GALNT13: variants seen among roughly 807,000 people sequenced by gnomAD.
The protein encoded by GALNT13 is polypeptide N-acetylgalactosaminyltransferase 13.
In GALNT13, 28 loss-of-function variants were observed where a neutral mutation model predicts 64.2. That is an observed-to-expected ratio of 0.44 (90% confidence interval 0.32 to 0.60). The LOEUF is 0.60. Ranked by LOEUF, GALNT13 falls within the 20% of genes least tolerant of loss-of-function variation. The probability of loss-of-function intolerance (pLI) is 0.05; values close to 1 mark genes in which losing one functional copy is unlikely to be tolerated. For missense variants in GALNT13, 577 were observed against 669.8 expected, an observed-to-expected ratio of 0.86 and a Z score of 1.53; for synonymous variants, 214 against 224.6, an observed-to-expected ratio of 0.95 and a Z score of 0.42.
intron 4 of GALNT13, among the ~76,000 whole-genome samples, chr2:154,148,071 C>A (rs368890419): frequency 1.9e-4 from 29 of 152,182 alleles, no homozygotes; most frequent in African/African-American, 6.5e-4. Context: ...CTCCACCCTC[C>A]ACCTTCCCCC....
chr2:153,656,283 T>C, the GALNT13 span, among the ~76,000 whole-genome samples: 2 of 151,762 alleles, frequency 1.3e-5, no homozygotes, highest in African/African-American at 2.4e-5. Flanking sequence ...GATTGCTTTG[T>C]TATATGTTTG....
chr2:153,349,339 T>C, the GALNT13 span, among the ~76,000 whole-genome samples: 1 of 152,216 alleles, frequency 6.6e-6, no homozygotes, highest in Non-Finnish European at 1.5e-5. Context: ...ATGCAAGCTT[T>C]GTTGATGCAA....
rs771388694 is a variant in GALNT13 at position 154,119,729 on chromosome 2, T to G, written c.143-20608T>G. 5.9e-4 allele frequency among the ~76,000 whole-genome samples: 90 copies of G among 152,188 alleles called. 1 individual carries two copies. The highest frequency in any genetic ancestry group is 7.2e-4 in the Non-Finnish European group (49 of 68,032). ...CCGCTGTTTGAGCTTTCTGTTGAGT[T>G]TTTCAGTTCTGGTGTATTTTTTATC... On this transcript the variant is annotated intron_variant, in intron 3 of 12. Transcript: ENST00000392825.
At chr2:154,102,993 G>A (rs541728120) in intron 3 of GALNT13, among the ~76,000 whole-genome samples, 3 of 151,848 alleles carry the variant, frequency 2.0e-5, no homozygotes, top group African/African-American at 7.2e-5. Flanking sequence ...CCTTGTTGAT[G>A]TTTCTTTTGT....
At chr2:153,345,643 C>CTTTCTTT in the GALNT13 span, among the ~76,000 whole-genome samples, 1 of 99,144 alleles carries the variant, frequency 1.0e-5, no homozygotes, top group South Asian at 3.5e-4. Context: ...CTTTTTCTTT[C>CTTTCTTT]TTTCTTTCTT....
At chr2:154,313,537 C>T (rs955884602) in intron 9 of GALNT13, among the ~76,000 whole-genome samples, 8 of 149,960 alleles carry the variant, frequency 5.3e-5, no homozygotes, top group South Asian at 2.1e-4. Context: ...TCACTACAAC[C>T]TCCACCTCCC....
At position 154,343,609 on chromosome 2, in the gene GALNT13, C is replaced by T. The variant is rs1235379521; in HGVS notation, c.1156+42020C>T. ...TACAGGCATGCCCCTGTCCAGCATG[C>T]CTTTTGTTGCACAGTTTTTTTGACT... On this transcript the variant is annotated intron_variant, in intron 9 of 12. Transcript: ENST00000392825. Among the ~76,000 whole-genome samples, 5 of 151,986 alleles carry T rather than the reference C, an allele frequency of 3.3e-5. No individual in the cohort carries two copies. In the East Asian group the frequency reaches 9.7e-4, roughly 29 times the overall value.
chr2:153,810,197 TC>T, the GALNT13 span, among the ~76,000 whole-genome samples: 1 of 152,144 alleles, frequency 6.6e-6, no homozygotes, highest in Non-Finnish European at 1.5e-5. Context: ...TCTCCTGACC[TC>T]ATGATCCACC....
chr2:153,988,061 T>TAC lies in GALNT13; in HGVS notation c.142+43423_142+43424insCA, dbSNP rs879271680. On this transcript the variant is annotated intron_variant, in intron 3 of 12. Transcript: ENST00000392825. ...ACATTTGAGGGTAGGAGGTGACATA[T>TAC]ATATATATATATACACACACACACA... Among the ~76,000 whole-genome samples the TAC allele has an allele frequency of 7.6e-3, 860 of 113,498 alleles. 6 individuals carry two copies. Among genetic ancestry groups the TAC allele is most frequent in the Non-Finnish European group, 0.013 (624 of 47,024 alleles). 74.5% of individuals were successfully genotyped at this position (113,498 alleles called of 152,430 possible).
chr2:154,245,907 A>G lies in GALNT13; in HGVS notation c.782A>G (p.Lys261Arg), dbSNP rs1274786466. The change falls in exon 7 of 13, where the codon AAA (lysine) becomes AGA (arginine). Residue 261 changes from lysine (K) to arginine (R), a missense_variant. This residue lies in a region of GALNT13 where 341 missense variants were observed against 379.3 expected (regional missense o/e 0.90). Coordinates refer to ENST00000392825, the MANE Select transcript of GALNT13 (RefSeq NM_052917.4). The part of the protein sequence containing the change: ...SDMTYGGFNW[K>R]LNFRWYPVPQ... ...ATGACTTATGGGGGTTTTAACTGGA[A>G]ACTGAATTTCCGCTGGTATCCTGTT... 1 of 1,613,456 alleles carries G rather than the reference A, an allele frequency of 6.2e-7. No individual in the cohort carries two copies. Among genetic ancestry groups the G allele is most frequent in the Non-Finnish European group, 8.5e-7 (1 of 1,179,564 alleles).
the GALNT13 span, among the ~76,000 whole-genome samples, chr2:153,730,578 A>G: frequency 6.6e-6 from 1 of 152,000 alleles, no homozygotes. Flanking sequence ...AAGCTTCTTC[A>G]CAACAAAAGA....
chr2:153,615,548 C>T, the GALNT13 span, among the ~76,000 whole-genome samples: 11 of 151,958 alleles, frequency 7.2e-5, no homozygotes, highest in Admixed American at 5.9e-4. Context: ...TATTTCCTGC[C>T]TGTCTTTGGG....
chr2:153,695,430 C>T, the GALNT13 span, among the ~76,000 whole-genome samples: 1 of 152,180 alleles, frequency 6.6e-6, no homozygotes, highest in African/African-American at 2.4e-5. Context: ...TAGATTACCT[C>T]TCTTCTGCAC....
At chr2:153,417,419 G>C in the GALNT13 span, among the ~76,000 whole-genome samples, 1 of 152,156 alleles carries the variant, frequency 6.6e-6, no homozygotes, top group Non-Finnish European at 1.5e-5. Context: ...GATAGGTTAA[G>C]AATAAACAGT....
chr2:154,114,232 C>T (rs1004546201), intron 3 of GALNT13, among the ~76,000 whole-genome samples: 2 of 152,132 alleles, frequency 1.3e-5, no homozygotes, highest in Non-Finnish European at 2.9e-5. Flanking sequence ...ACCATAATAT[C>T]CCTCACTCTA....
intron 9 of GALNT13, among the ~76,000 whole-genome samples, chr2:154,306,345 C>T (rs1003515134): frequency 6.6e-6 from 1 of 151,974 alleles, no homozygotes; most frequent in Admixed American, 6.6e-5. Context: ...GTTCCCCTCC[C>T]TATGTCCATG....
intron 10 of GALNT13, among the ~76,000 whole-genome samples, chr2:154,402,124 A>G (rs1453979652): frequency 6.6e-6 from 1 of 152,216 alleles, no homozygotes; most frequent in Non-Finnish European, 1.5e-5. Context: ...AATAATATGC[A>G]ATTGAAGGAT....
At chr2:153,634,550 T>C in the GALNT13 span, among the ~76,000 whole-genome samples, 1 of 142,002 alleles carries the variant, frequency 7.0e-6, no homozygotes, top group Non-Finnish European at 1.5e-5. Flanking sequence ...ATCTTTTTTT[T>C]TTTTTTTTTT....
intron 8 of GALNT13, among the ~76,000 whole-genome samples, chr2:154,293,646 A>C (rs1433648358): frequency 6.6e-6 from 1 of 152,156 alleles, no homozygotes; most frequent in African/African-American, 2.4e-5. Context: ...TAATTTTCAC[A>C]AGTATACATA....
Sources: gnomAD v4.1 joint callset for allele counts (sites outside exome capture counted in the v4.1 genomes callset) on GRCh38, gnomAD v4.1.1 for gene constraint, gnomAD v4.1.1 regional missense constraint, MANE v1.5 for transcripts, NCBI Gene and HGNC (gene_info 2026-07-23, HGNC 2026-07-21) for gene names.